SNX13: variants seen among roughly 807,000 people sequenced by gnomAD.
SNX13 encodes the protein sorting nexin 13, also known as sorting nexin-13.
SNX13 carries 45 observed loss-of-function variants against 133.6 expected under a neutral mutation model. That is an observed-to-expected ratio of 0.34 (90% CI 0.27 to 0.43). The LOEUF (loss-of-function observed/expected upper bound fraction) is 0.43, where lower values mean the gene tolerates loss of function less well. SNX13 is among the 20% of genes least tolerant of loss of function. The pLI is 1.00. For missense variants in SNX13, 1,032 were observed against 1,145.1 expected, an observed-to-expected ratio of 0.90 and a Z score of 1.43; for synonymous variants, 414 against 373.9, an observed-to-expected ratio of 1.11 and a Z score of -1.24.
intron 1 of SNX13, among the ~76,000 whole-genome samples, chr7:17,913,021 C>A (rs1350644769): frequency 2.0e-5 from 3 of 152,214 alleles, no homozygotes; most frequent in Non-Finnish European, 4.4e-5. Context: ...ATGTGTGTCA[C>A]TGCTGGGCAC....
At chr7:17,929,389 G>A (rs1426453200) in intron 1 of SNX13, among the ~76,000 whole-genome samples, 1 of 151,914 alleles carries the variant, frequency 6.6e-6, no homozygotes, top group Non-Finnish European at 1.5e-5. Flanking sequence ...CATATAAAGG[G>A]ACTGAAATTA....
chr7:17,917,493 T>C (rs968603618), intron 1 of SNX13, among the ~76,000 whole-genome samples: 4 of 151,936 alleles, frequency 2.6e-5, no homozygotes, highest in Admixed American at 6.6e-5. Context: ...ATTATTTCTA[T>C]AGACCAATAA....
Position 17,832,625 on chromosome 7 carries a change from AGAGT to A in SNX13, c.1597+1423_1597+1426del, listed in dbSNP as rs533387961. On this transcript the variant is annotated intron_variant, in intron 15 of 25. Coordinates refer to ENST00000428135, the MANE Select transcript of SNX13 (RefSeq NM_015132.5). The stretch of plus-strand genomic sequence containing the variant: ...TCTCTATAAAAGAACATTTTTCAAT[AGAGT>A]AAGTACAGATATATAGAACAAACTA... The A allele has an allele frequency of 7.5e-5, 22 of 293,292 alleles. 1 individual carries two copies. The highest frequency in any genetic ancestry group is 1.0e-4 in the Non-Finnish European group (20 of 198,034). 18.2% of individuals were successfully genotyped at this position (293,292 alleles called of 1,614,324 possible).
intron 5 of SNX13, among the ~76,000 whole-genome samples, chr7:17,877,145 T>G (rs574433843): frequency 2.5e-3 from 377 of 151,414 alleles, no homozygotes; most frequent in African/African-American, 8.7e-3. Context: ...ACACTAAGGT[T>G]TGTTGTATAC....
chr7:17,824,300 A>G (rs78596026), intron 17 of SNX13, among the ~76,000 whole-genome samples: 1 of 152,142 alleles, frequency 6.6e-6, no homozygotes, highest in East Asian at 1.9e-4. Context: ...CTAGACCACC[A>G]TTCTTGTGTG....
intron 1 of SNX13, among the ~76,000 whole-genome samples, chr7:17,930,271 A>G (rs925913923): frequency 6.6e-5 from 10 of 152,298 alleles, no homozygotes; most frequent in African/African-American, 2.4e-4. Context: ...AGGCTCTGAA[A>G]CGTTAGCAAC....
chr7:17,821,381 T>C (rs1245113492), intron 18 of SNX13, 128 bp downstream of exon 18: 7 of 825,026 alleles, frequency 8.5e-6, no homozygotes, highest in Admixed American at 7.7e-5. Context: ...CTAAGATTTA[T>C]GGTGATTATA....
At chr7:17,809,464 C>A (rs182883232) in intron 20 of SNX13, among the ~76,000 whole-genome samples, 26 of 152,162 alleles carry the variant, frequency 1.7e-4, no homozygotes, top group African/African-American at 5.1e-4. Flanking sequence ...CAGGAGCACC[C>A]AGTTTCATAC....
chr7:17,901,598 CAAT>C (rs756274481), intron 1 of SNX13, among the ~76,000 whole-genome samples: 5 of 152,132 alleles, frequency 3.3e-5, no homozygotes, highest in Non-Finnish European at 7.3e-5. Flanking sequence ...CACTGAGTTC[CAAT>C]GCAAAGTCCC....
intron 17 of SNX13, among the ~76,000 whole-genome samples, chr7:17,823,869 T>C (rs894499299): frequency 1.3e-5 from 2 of 151,772 alleles, no homozygotes; most frequent in African/African-American, 4.8e-5. Flanking sequence ...TAATTAAAAA[T>C]TAACAACAGT....
chr7:17,878,812 G>C (rs1368589579), intron 5 of SNX13, among the ~76,000 whole-genome samples: 1 of 151,982 alleles, frequency 6.6e-6, no homozygotes, highest in African/African-American at 2.4e-5. Context: ...CTTCCTCTTT[G>C]TTATGCAGAT....
chr7:17,856,785 T>TAAAAA (rs200753998), intron 9 of SNX13, among the ~76,000 whole-genome samples: 1 of 97,570 alleles, frequency 1.0e-5, no homozygotes, highest in Non-Finnish European at 2.1e-5. Context: ...GAGACTCTCT[T>TAAAAA]AAAAAAAAAA....
At chr7:17,908,506 G>T (rs1361414216) in intron 1 of SNX13, among the ~76,000 whole-genome samples, 1 of 152,078 alleles carries the variant, frequency 6.6e-6, no homozygotes, top group Non-Finnish European at 1.5e-5. Flanking sequence ...CTCCCATGAA[G>T]CAAACCTTCC....
At chr7:17,917,344 C>G (rs1047259636) in intron 1 of SNX13, among the ~76,000 whole-genome samples, 2 of 152,074 alleles carry the variant, frequency 1.3e-5, no homozygotes, top group African/African-American at 4.8e-5. Context: ...AAAACGCATC[C>G]AAATAGAAAA....
intron 17 of SNX13, among the ~76,000 whole-genome samples, chr7:17,824,824 C>A (rs1787698026): frequency 6.6e-6 from 1 of 150,834 alleles, no homozygotes; most frequent in Non-Finnish European, 1.5e-5. Flanking sequence ...GGCTAAAGTG[C>A]AGTGGTGTGA....
intron 2 of SNX13, among the ~76,000 whole-genome samples, chr7:17,896,640 A>C (rs1797246769): frequency 6.6e-6 from 1 of 152,132 alleles, no homozygotes; most frequent in Non-Finnish European, 1.5e-5. Flanking sequence ...CATACATACA[A>C]ACACATTAAC....
chr7:17,887,125 A>C (rs949708138), intron 5 of SNX13, among the ~76,000 whole-genome samples: 1 of 152,190 alleles, frequency 6.6e-6, no homozygotes, highest in African/African-American at 2.4e-5. Context: ...TTTGCTAAAA[A>C]TGTCATTTAC....
At chr7:17,858,247 C>T (rs1792175070) in intron 9 of SNX13, among the ~76,000 whole-genome samples, 1 of 152,068 alleles carries the variant, frequency 6.6e-6, no homozygotes, top group East Asian at 1.9e-4. Context: ...TCCTTGTTTG[C>T]AGACCACATG....
chr7:17,932,605 C>T (rs540139245), intron 1 of SNX13, among the ~76,000 whole-genome samples: 1 of 152,282 alleles, frequency 6.6e-6, no homozygotes, highest in East Asian at 1.9e-4. Context: ...ACCTATGAGG[C>T]CCATCCTCAG....
Sources: gnomAD v4.1 joint callset for allele counts (sites outside exome capture counted in the v4.1 genomes callset) on GRCh38, gnomAD v4.1.1 for gene constraint, MANE v1.5 for transcripts, NCBI Gene and HGNC (gene_info 2026-07-23, HGNC 2026-07-21) for gene names.